Variants in PPM1D observed in about 807,000 individuals in gnomAD.
PPM1D encodes protein phosphatase 1D.
In PPM1D, 52 loss-of-function variants were observed where a neutral mutation model predicts 58.3. The observed-to-expected ratio is 0.89, with a 90% CI of 0.71 to 1.12. PPM1D has a LOEUF of 1.12. PPM1D is among the 50% of genes most tolerant of loss of function. The pLI is 0.00. For synonymous variants in PPM1D, 278 were observed against 285.1 expected (o/e 0.98, Z 0.25); for missense variants, 564 against 777.2 (o/e 0.73, Z 3.26).
rs775750934 is a variant in PPM1D at position 60,663,071 on chromosome 17, C to G, written c.1337C>G (p.Ser446Ter). 4 of 1,614,016 alleles carry G rather than the reference C, an allele frequency of 2.5e-6. No individual in the cohort carries two copies. The highest frequency in any genetic ancestry group is 3.4e-6 in the Non-Finnish European group (4 of 1,180,006). Residue 446 changes from serine to a stop codon, truncating the protein, a stop_gained, in exon 6 of 6, where the codon TCA (serine) becomes TGA (stop). Transcript: ENST00000305921. LOFTEE classifies it high-confidence loss of function. ...GCCCTGGTTCGTAGCAATGCCTTCT[C>G]AGAGAATTTTTTAGAGGTTTCAGCT... Reference protein sequence around the residue: ...IPALVRSNAFSENFLEVSAEI... With the variant: ...IPALVRSNAF
chr17:60,612,002 G>A (rs1450536265), intron 1 of PPM1D, among the ~76,000 whole-genome samples: 4 of 151,248 alleles, frequency 2.6e-5, no homozygotes, highest in African/African-American at 9.7e-5. Flanking sequence ...TACACATGTA[G>A]CCACTGACTA....
At chr17:60,654,868 CAA>C (rs745626059) in intron 4 of PPM1D, among the ~76,000 whole-genome samples, 27 of 74,178 alleles carry the variant, frequency 3.6e-4, no homozygotes, top group Admixed American at 4.5e-4. Flanking sequence ...AACTCCATCT[CAA>C]AAAAAAAAAA....
At chr17:60,605,447 G>A (rs1305235425) in intron 1 of PPM1D, among the ~76,000 whole-genome samples, 1 of 152,140 alleles carries the variant, frequency 6.6e-6, no homozygotes, top group Non-Finnish European at 1.5e-5. Context: ...ATCTTTAATT[G>A]TTTTAGGATT....
intron 3 of PPM1D, among the ~76,000 whole-genome samples, chr17:60,644,580 G>A (rs2031199746): frequency 6.6e-6 from 1 of 152,174 alleles, no homozygotes; most frequent in African/African-American, 2.4e-5. Context: ...TCATGCTTAG[G>A]AGATAAATGT....
Position 60,611,037 on chromosome 17 carries a change from G to C in PPM1D, c.472+10151G>C, listed in dbSNP as rs904664840. On this transcript the variant is annotated intron_variant, in intron 1 of 5. Coordinates refer to ENST00000305921, the MANE Select transcript of PPM1D (RefSeq NM_003620.4). ...TGAGTACATTATTATTTTTGAGACG[G>C]AGTCTCGCTCTGTTGCCCTGTTGCC... Among the ~76,000 whole-genome samples the C allele has an allele frequency of 3.3e-5, 5 of 152,172 alleles. 1 individual carries two copies. In the South Asian group the frequency reaches 1.0e-3, roughly 32 times the overall value.
rs1056688796 is a variant in PPM1D, at chr17:60,600,272, G to GC, written c.-136dup. The GC allele has an allele frequency of 7.0e-5, 99 of 1,408,406 alleles. No individual in the cohort carries two copies. The highest frequency in any genetic ancestry group is 1.4e-4 in the Admixed American group (5 of 36,024). 87.2% of individuals were successfully genotyped at this position (1,408,406 alleles called of 1,614,324 possible). A position where few individuals can be genotyped will look rare whatever the true frequency, so the allele number is the denominator to read the frequency against. ...TCGCGGACAAGTCCAGACATCGCGC[G>GC]CCCCCCCTTCTCCGGGTCCGCCCCC... On this transcript the variant is annotated 5_prime_UTR_variant, in exon 1 of 6. Coordinates refer to ENST00000305921, the MANE Select transcript of PPM1D (RefSeq NM_003620.4).
At position 60,656,652 on chromosome 17, in the gene PPM1D, C is replaced by T; in HGVS notation, c.1071C>T (p.Arg357=). ...AKMLVNRALG[R]WRQRMLRADN... Reference sequence around the variant, plus strand: ...TGCTTGTGAATCGAGCATTGGGCCGCTGGAGGCAGCGTATGCTCCGAGCAG... The same window carrying T: ...TGCTTGTGAATCGAGCATTGGGCCGTTGGAGGCAGCGTATGCTCCGAGCAG... Residue 357 remains arginine, a synonymous_variant, in exon 5 of 6, where the codon CGC becomes CGT. Transcript: ENST00000305921. The T allele has an allele frequency of 6.2e-7, 1 of 1,614,190 alleles. No homozygotes were observed. The highest frequency in any genetic ancestry group is 8.5e-7 in the Non-Finnish European group (1 of 1,180,040).
chr17:60,625,775 G>C (rs1319618237), intron 2 of PPM1D, among the ~76,000 whole-genome samples: 3 of 152,158 alleles, frequency 2.0e-5, no homozygotes, highest in Non-Finnish European at 4.4e-5. Context: ...TAGCAATGCA[G>C]AGACATGGGA....
intron 2 of PPM1D, among the ~76,000 whole-genome samples, chr17:60,631,784 A>G (rs1467209465): frequency 1.3e-5 from 2 of 152,230 alleles, no homozygotes; most frequent in African/African-American, 2.4e-5. Flanking sequence ...AATTTAAAAA[A>G]TCAATTCCCA....
intron 1 of PPM1D, among the ~76,000 whole-genome samples, chr17:60,621,405 G>A (rs1433574242): frequency 6.7e-6 from 1 of 149,998 alleles, no homozygotes; most frequent in Non-Finnish European, 1.5e-5. Context: ...TTGTTTGTTT[G>A]TTGTTTTGAG....
intron 3 of PPM1D, among the ~76,000 whole-genome samples, chr17:60,637,213 A>G (rs563975164): frequency 6.9e-4 from 105 of 151,892 alleles, no homozygotes; most frequent in Non-Finnish European, 1.9e-4. Flanking sequence ...AAGGGTTCTC[A>G]TTACTCATGA....
At chr17:60,628,947 A>G (rs1391722915) in intron 2 of PPM1D, among the ~76,000 whole-genome samples, 2 of 152,182 alleles carry the variant, frequency 1.3e-5, no homozygotes, top group Admixed American at 1.3e-4. Flanking sequence ...GCTATGTAGT[A>G]AATAGGCAAG....
chr17:60,628,357 G>T (rs1379377150), intron 2 of PPM1D, among the ~76,000 whole-genome samples: 1 of 152,096 alleles, frequency 6.6e-6, no homozygotes, highest in Non-Finnish European at 1.5e-5. Context: ...CTGACATACT[G>T]TTATCACCTG....
intron 3 of PPM1D, among the ~76,000 whole-genome samples, chr17:60,641,971 G>A (rs1348047066): frequency 6.6e-6 from 1 of 152,210 alleles, no homozygotes; most frequent in Admixed American, 6.5e-5. Context: ...AGGAAAAAAG[G>A]GAATTGGCTG....
At chr17:60,657,032 C>T in intron 5 of PPM1D, 191 bp downstream of exon 5, 1 of 1,495,880 alleles carries the variant, frequency 6.7e-7, no homozygotes, top group Non-Finnish European at 8.9e-7. Context: ...GTGTACAGCA[C>T]TAATAAAAAG....
intron 3 of PPM1D, among the ~76,000 whole-genome samples, chr17:60,634,327 G>A (rs1194674919): frequency 6.6e-6 from 1 of 152,114 alleles, no homozygotes; most frequent in Admixed American, 6.6e-5. Flanking sequence ...CAGGAGAATT[G>A]CTTGAAAGCA....
chr17:60,662,006 A>G (rs1420869244), intron 5 of PPM1D, among the ~76,000 whole-genome samples: 1 of 151,866 alleles, frequency 6.6e-6, no homozygotes, highest in African/African-American at 2.4e-5. Flanking sequence ...ATATTTATTT[A>G]TTTATTGTGA....
In PPM1D at chr17:60,646,460, T is replaced by C. The variant is rs965691581; in HGVS notation, c.827-1432T>C. On this transcript the variant is annotated intron_variant, in intron 3 of 5. Transcript: ENST00000305921. ...CTACTGAAAGGGGACAAAAATTGTT[T>C]AACCTCTTGTCTGAAAATCTTTTGC... 3.3e-5 allele frequency among the ~76,000 whole-genome samples: 5 copies of C among 152,198 alleles called. No homozygotes were observed. The East Asian group carries it at 9.6e-4, about 29-fold the overall frequency.
At chr17:60,647,866 T>G in intron 3 of PPM1D, 26 bp from the exon 4 acceptor site, 2 of 1,570,874 alleles carry the variant, frequency 1.3e-6, no homozygotes, top group Non-Finnish European at 1.8e-6. Context: ...CTAATACTTC[T>G]TGCTTTTTCT....
Sources: allele counts gnomAD v4.1 joint callset (sites outside exome capture counted in the v4.1 genomes callset), GRCh38; gene constraint gnomAD v4.1.1; transcripts MANE v1.5; gene names NCBI Gene and HGNC (gene_info 2026-07-23, HGNC 2026-07-21).